Variants in SVOP observed in about 807,000 individuals in gnomAD.
SVOP encodes synaptic vesicle 2-related protein.
SVOP carries 17 observed loss-of-function variants against 69.1 expected under a neutral mutation model. The ratio of observed to expected loss-of-function variants is 0.25; its 90% CI spans 0.17 to 0.37. SVOP has a LOEUF of 0.37. Ranked by LOEUF, SVOP falls within the 10% of genes least tolerant of loss-of-function variation. SVOP has a pLI of 1.00. For synonymous variants in SVOP, 238 were observed against 238.6 expected, an observed-to-expected ratio of 1.00 and a Z score of 0.02; for missense variants, 435 against 597.5, an observed-to-expected ratio of 0.73 and a Z score of 2.84.
At chr12:108,917,693 A>C (rs770151858) in intron 14 of SVOP, among the ~76,000 whole-genome samples, 50 of 149,030 alleles carry the variant, frequency 3.4e-4, no homozygotes, top group Non-Finnish European at 3.0e-4. Flanking sequence ...CCCAGGCTGG[A>C]GTACAGTGGC....
At chr12:109,001,201 A>G (rs2040267318) in intron 1 of SVOP, among the ~76,000 whole-genome samples, 1 of 63,556 alleles carries the variant, frequency 1.6e-5, no homozygotes, top group Non-Finnish European at 3.4e-5. Context: ...GTGAACTCCC[A>G]TTCACAATTG....
intron 6 of SVOP, among the ~76,000 whole-genome samples, chr12:108,951,291 T>A (rs2039952398): frequency 6.6e-6 from 1 of 152,198 alleles, no homozygotes; most frequent in Non-Finnish European, 1.5e-5. Flanking sequence ...GCCGCTTACA[T>A]AAATGGTGTT....
chr12:108,959,901 C>T (rs1040517973), intron 6 of SVOP, among the ~76,000 whole-genome samples: 1 of 152,234 alleles, frequency 6.6e-6, no homozygotes, highest in Non-Finnish European at 1.5e-5. Flanking sequence ...TCCTCCACCA[C>T]TTCCTGGCTG....
Position 108,940,874 on chromosome 12 carries a change from G to A in SVOP, c.678C>T (p.Val226=). The part of the protein sequence containing the change: ...FWAIGTVFEV[V]LAVFVMPSLG... The stretch of plus-strand genomic sequence containing the variant: ...GGCTGGGCATCACGAACACAGCCAG[G>A]ACGACCTCGAACACTGTCCCGATGG... The change falls in exon 8 of 16, where the codon GTC becomes GTT. Residue 226 remains valine (V), a synonymous_variant. Transcript: ENST00000610966. The A allele has an allele frequency of 6.5e-7, 1 of 1,537,106 alleles. No homozygotes were observed. The highest frequency in any genetic ancestry group is 8.7e-7 in the Non-Finnish European group (1 of 1,146,808).
chr12:108,981,633 T>C (rs1444667217), intron 2 of SVOP, among the ~76,000 whole-genome samples: 1 of 152,168 alleles, frequency 6.6e-6, no homozygotes, highest in Non-Finnish European at 1.5e-5. Context: ...CTCAGCAAGA[T>C]ACTTAACCCT....
At chr12:109,015,156 T>C (rs1314601126) in intron 1 of SVOP, among the ~76,000 whole-genome samples, 1 of 152,104 alleles carries the variant, frequency 6.6e-6, no homozygotes, top group African/African-American at 2.4e-5. Context: ...AGCAGGTACC[T>C]TGGAGAAGAG....
rs1286886223 is a variant in SVOP, at chr12:108,919,726, C to G, written c.1217G>C (p.Cys406Ser). The G allele has an allele frequency of 1.2e-6, 2 of 1,608,400 alleles. No homozygotes were observed. The highest frequency in any genetic ancestry group is 1.7e-5 in the Admixed American group (1 of 59,274). ...RLGRKKTMAL[C>S]FVIFSFCSLL... ...GCTGCAGAAGGAGAAGATGACAAAG[C>G]ACAGGGCCATGGTCTTCTTGCGCCC... The change falls in exon 13 of 16, where the codon TGC becomes TCC. Residue 406 changes from cysteine to serine, a missense_variant. By Grantham distance (112) the Cys-to-Ser change is moderately radical (BLOSUM62 -1). Transcript: ENST00000610966.
At chr12:108,947,825 C>T (rs1037286985) in intron 6 of SVOP, among the ~76,000 whole-genome samples, 4 of 152,178 alleles carry the variant, frequency 2.6e-5, no homozygotes, top group Non-Finnish European at 4.4e-5. Context: ...ATGTTACTCT[C>T]CTAGCTCCTC....
chr12:108,978,623 A>G lies in SVOP; in HGVS notation c.237T>C (p.Phe79=). The change falls in exon 3 of 16, where the codon TTT becomes TTC. Residue 79 remains phenylalanine, a synonymous_variant. Coordinates refer to ENST00000610966, the MANE Select transcript of SVOP (RefSeq NM_018711.5). ...CAGACAGCTTCCACTGAAATTTTCCAAAGCCAATGGCTTCCACTGCATCTT... is the reference window on the plus strand; with the variant it reads ...CAGACAGCTTCCACTGAAATTTTCCGAAGCCAATGGCTTCCACTGCATCTT... ...MVEDAVEAIG[F]GKFQWKLSVL... 1 of 704,084 alleles carries G rather than the reference A, an allele frequency of 1.4e-6. No homozygotes were observed. Among genetic ancestry groups the G allele is most frequent in the East Asian group, 2.7e-5 (1 of 37,278 alleles). 43.6% of individuals were successfully genotyped at this position (704,084 alleles called of 1,614,324 possible).
chr12:109,009,274 CTTAT>C (rs1321019649), intron 1 of SVOP, among the ~76,000 whole-genome samples: 2 of 151,776 alleles, frequency 1.3e-5, no homozygotes, highest in Admixed American at 1.3e-4. Flanking sequence ...GTCTTTGTAA[CTTAT>C]TTATTCACTC....
At chr12:108,956,210 G>A (rs1340539278) in intron 6 of SVOP, among the ~76,000 whole-genome samples, 1 of 151,570 alleles carries the variant, frequency 6.6e-6, no homozygotes, top group Non-Finnish European at 1.5e-5. Context: ...GCTGAGGCAG[G>A]AGAATGGTGT....
chr12:109,002,905 A>T (rs2040281305), intron 1 of SVOP, among the ~76,000 whole-genome samples: 3 of 151,830 alleles, frequency 2.0e-5, no homozygotes, highest in South Asian at 4.2e-4. Flanking sequence ...ACATGTATAC[A>T]TATGTAACTA....
At chr12:109,008,078 G>T (rs193068885) in intron 1 of SVOP, among the ~76,000 whole-genome samples, 9 of 151,282 alleles carry the variant, frequency 5.9e-5, no homozygotes, top group Non-Finnish European at 1.5e-5. Flanking sequence ...CTAAGCTGAG[G>T]CTGGAGAGGT....
At chr12:108,935,675 A>G (rs1164720190) in intron 10 of SVOP, among the ~76,000 whole-genome samples, 3 of 152,348 alleles carry the variant, frequency 2.0e-5, no homozygotes, top group Non-Finnish European at 4.4e-5. Context: ...TAGAAAAATG[A>G]GAACTGGTTA....
In SVOP at chr12:108,919,662, G is replaced by T. The variant is rs569421950; in HGVS notation, c.1268+13C>A. The stretch of plus-strand genomic sequence containing the variant: ...TGTGCTCAAACTCATACCTAGGCTT[G>T]CAGATCACCTACCTTCCAACACAGA... On this transcript the variant is annotated intron_variant, in intron 13 of 15. Coordinates refer to ENST00000610966, the MANE Select transcript of SVOP (RefSeq NM_018711.5). 2.8e-4 allele frequency: 450 copies of T among 1,582,832 alleles called. 1 individual carries two copies. The highest frequency in any genetic ancestry group is 3.5e-4 in the Non-Finnish European group (406 of 1,163,482).
At chr12:108,931,979 T>C (rs2039822666) in intron 11 of SVOP, among the ~76,000 whole-genome samples, 1 of 152,122 alleles carries the variant, frequency 6.6e-6, no homozygotes, top group Admixed American at 6.6e-5. Context: ...TCGTGAGGGC[T>C]CTTTAGGGGA....
chr12:109,007,201 C>G (rs1204341763), intron 1 of SVOP, among the ~76,000 whole-genome samples: 3 of 152,180 alleles, frequency 2.0e-5, no homozygotes, highest in Non-Finnish European at 2.9e-5. Flanking sequence ...TCAGCTTTGT[C>G]CCAGATACCC....
intron 1 of SVOP, among the ~76,000 whole-genome samples, chr12:109,011,131 T>G (rs899956871): frequency 5.9e-5 from 9 of 152,074 alleles, no homozygotes; most frequent in African/African-American, 2.2e-4. Context: ...TCCAGGATGG[T>G]CTTGAACTCC....
chr12:108,940,382 G>A (rs1239802139), intron 8 of SVOP, among the ~76,000 whole-genome samples: 1 of 152,140 alleles, frequency 6.6e-6, no homozygotes, highest in African/African-American at 2.4e-5. Context: ...TTAAACTCCT[G>A]GAGCCAGCCA....
Sources: gnomAD v4.1 joint callset for allele counts (sites outside exome capture counted in the v4.1 genomes callset) on GRCh38, gnomAD v4.1.1 for gene constraint, MANE v1.5 for transcripts, NCBI Gene and HGNC (gene_info 2026-07-23, HGNC 2026-07-21) for gene names.